FLNB: variants seen among roughly 807,000 people sequenced by gnomAD.
The protein encoded by FLNB is filamin B.
Under a neutral mutation model 250.6 loss-of-function variants are expected in FLNB, and 111 were observed. The observed-to-expected ratio is 0.44, with a 90% CI of 0.38 to 0.52. The LOEUF (loss-of-function observed/expected upper bound fraction) is 0.52. FLNB is among the 20% of genes least tolerant of loss of function. FLNB has a pLI of 0.00. For missense variants in FLNB, 2,869 were observed against 3,447.8 expected (o/e 0.83, Z 4.20); for synonymous variants, 1,302 against 1,372.1 (o/e 0.95, Z 1.13).
At chr3:58,153,811 T>G (rs1178703317) in intron 39 of FLNB, among the ~76,000 whole-genome samples, 170 bp downstream of exon 39, 2 of 152,246 alleles carry the variant, frequency 1.3e-5, no homozygotes, top group Non-Finnish European at 2.9e-5. Context: ...AGTTTGTAAC[T>G]AAGCTTTGCT....
intron 4 of FLNB, among the ~76,000 whole-genome samples, chr3:58,094,581 T>G (rs1342498997): frequency 2.6e-5 from 4 of 152,254 alleles, no homozygotes; most frequent in African/African-American, 9.6e-5. Flanking sequence ...TTAACCACAT[T>G]ATTTCCACAA....
In FLNB at chr3:58,135,855, GTAT is replaced by G; in HGVS notation, c.4672-121_4672-119del. On this transcript the variant is annotated intron_variant, in intron 27 of 45. Transcript: ENST00000295956. The stretch of plus-strand genomic sequence containing the variant: ...CCAAAAAACAAAACAAAACTAGATT[GTAT>G]TAAGCCATCAATTCTGTCTGTTTCC... 4.0e-6 allele frequency: 4 copies of G among 1,001,322 alleles called. No individual in the cohort carries two copies. The South Asian group carries it at 5.8e-5, about 14-fold the overall frequency. 62.0% of individuals were successfully genotyped at this position (1,001,322 alleles called of 1,614,324 possible).
Position 58,076,557 on chromosome 3 carries a change from C to T in FLNB, c.293-489C>T, listed in dbSNP as rs546124716. ...GCAACTTTCACTTCCCGGGCTCAAGCGATCCTCCAACCTCAGTCTCCTGAG... is the reference window on the plus strand; with the variant it reads ...GCAACTTTCACTTCCCGGGCTCAAGTGATCCTCCAACCTCAGTCTCCTGAG... On this transcript the variant is annotated intron_variant, in intron 1 of 45. Coordinates refer to ENST00000295956, the MANE Select transcript of FLNB (RefSeq NM_001457.4). Among the ~76,000 whole-genome samples the T allele has an allele frequency of 2.0e-5, 3 of 152,222 alleles. No individual in the cohort carries two copies. The East Asian group carries it at 5.8e-4, about 29-fold the overall frequency.
At chr3:58,138,221 T>A in intron 28 of FLNB, 61 bp from the exon 29 acceptor site, 4 of 1,610,110 alleles carry the variant, frequency 2.5e-6, no homozygotes, top group Non-Finnish European at 3.4e-6. Context: ...GTATGATTTG[T>A]TCTTGGGCCT....
chr3:58,040,817 C>T (rs1290379304), intron 1 of FLNB, among the ~76,000 whole-genome samples: 3 of 152,176 alleles, frequency 2.0e-5, no homozygotes, highest in East Asian at 1.9e-4. Context: ...TTAAAATATA[C>T]TCCCCGCTCC....
chr3:58,095,541 C>T (rs950674892), intron 5 of FLNB, among the ~76,000 whole-genome samples: 1 of 152,140 alleles, frequency 6.6e-6, no homozygotes, highest in Non-Finnish European at 1.5e-5. Context: ...CAGGTGTGAG[C>T]CACCGTGCCC....
chr3:58,043,461 A>G (rs1408162385), intron 1 of FLNB, among the ~76,000 whole-genome samples: 1 of 152,170 alleles, frequency 6.6e-6, no homozygotes, highest in Non-Finnish European at 1.5e-5. Context: ...GGCAAGTTGT[A>G]GAAACCACTT....
chr3:58,116,122 A>G (rs927416311), intron 18 of FLNB, among the ~76,000 whole-genome samples: 2 of 152,074 alleles, frequency 1.3e-5, no homozygotes, highest in Admixed American at 6.5e-5. Context: ...GTAATCTGGT[A>G]GAGGAGTGAT....
intron 1 of FLNB, among the ~76,000 whole-genome samples, chr3:58,032,513 GA>G (rs1179554308): frequency 6.6e-6 from 1 of 152,206 alleles, no homozygotes; most frequent in East Asian, 1.9e-4. Context: ...TGTCTGAGCA[GA>G]AGGAGATATT....
intron 1 of FLNB, 139 bp downstream of exon 1, chr3:58,008,995 T>C (rs2097094313): frequency 1.0e-6 from 1 of 957,354 alleles, no homozygotes; most frequent in Non-Finnish European, 1.6e-6. Context: ...GGGTGGGTTA[T>C]AGGGGGCCTA....
intron 32 of FLNB, among the ~76,000 whole-genome samples, chr3:58,145,458 G>A (rs1478164933): frequency 5.3e-5 from 8 of 152,190 alleles, no homozygotes; most frequent in Non-Finnish European, 1.2e-4. Context: ...GAACACTGCA[G>A]AAATGAAAGT....
At chr3:58,076,118 C>T (rs901989200) in intron 1 of FLNB, among the ~76,000 whole-genome samples, 17 of 152,078 alleles carry the variant, frequency 1.1e-4, no homozygotes, top group African/African-American at 3.1e-4. Context: ...GAATGACTGA[C>T]GTGTCAGAAT....
At chr3:58,026,920 T>A (rs2097124327) in intron 1 of FLNB, among the ~76,000 whole-genome samples, 1 of 152,190 alleles carries the variant, frequency 6.6e-6, no homozygotes, top group Non-Finnish European at 1.5e-5. Context: ...GGGAAGAAAT[T>A]CGTCAGCCTG....
At chr3:58,114,166 C>T (rs933955981) in intron 18 of FLNB, among the ~76,000 whole-genome samples, 1 of 152,100 alleles carries the variant, frequency 6.6e-6, no homozygotes. Flanking sequence ...GCTGGAGTGG[C>T]ACTGTCTCGG....
chr3:58,098,713 G>C lies in FLNB; in HGVS notation c.1150G>C (p.Ala384Pro), dbSNP rs745987694. 1 of 1,614,150 alleles carries C rather than the reference G, an allele frequency of 6.2e-7. No individual in the cohort carries two copies. The highest frequency in any genetic ancestry group is 1.1e-5 in the South Asian group (1 of 91,074). ...ATGGAATGCTTGCTTTCTTGTAGGA[G>C]CTGGTGTGGGTGACATTGGTGTGGA... ...PTYFDIYTAG[A>P]GVGDIGVEVE... The change falls in exon 8 of 46, where the codon GCT becomes CCT. Residue 384 changes from alanine to proline, a missense_variant and splice_region_variant. By Grantham distance (27) the Ala-to-Pro change is conservative. Transcript: ENST00000295956.
chr3:58,109,058 G>GTC, intron 13 of FLNB, 121 bp from the exon 14 acceptor site: 3 of 1,100,500 alleles, frequency 2.7e-6, no homozygotes, highest in Non-Finnish European at 4.1e-6. Flanking sequence ...ATTGTAGTTG[G>GTC]TCCATGAAGT....
At chr3:58,018,934 G>C (rs932164173) in intron 1 of FLNB, among the ~76,000 whole-genome samples, 8 of 126,262 alleles carry the variant, frequency 6.3e-5, no homozygotes, top group Admixed American at 4.0e-4. Context: ...AGGAGTTTAA[G>C]ACCAGCCTGG....
At chr3:58,038,861 T>G (rs1163054476) in intron 1 of FLNB, among the ~76,000 whole-genome samples, 2 of 152,126 alleles carry the variant, frequency 1.3e-5, no homozygotes, top group Non-Finnish European at 2.9e-5. Flanking sequence ...ATAGAAGAGA[T>G]AGTTCTCTGT....
At chr3:58,077,642 C>G (rs935294044) in intron 2 of FLNB, among the ~76,000 whole-genome samples, 13 of 152,218 alleles carry the variant, frequency 8.5e-5, no homozygotes. Flanking sequence ...TTTGGAGAAA[C>G]ATTTGGTCCT....
Sources: gnomAD v4.1 joint callset for allele counts (sites outside exome capture counted in the v4.1 genomes callset) on GRCh38, gnomAD v4.1.1 for gene constraint, MANE v1.5 for transcripts, NCBI Gene and HGNC (gene_info 2026-07-23, HGNC 2026-07-21) for gene names.